The following ZP2 variants were observed in gnomAD, a reference collection of about 807,000 sequenced individuals.
ZP2 encodes zona pellucida glycoprotein 2, also known as zona pellucida sperm-binding protein 2.
Under a neutral mutation model 84.0 loss-of-function variants are expected in ZP2, and 51 were observed. The observed-to-expected ratio is 0.61, with a 90% CI of 0.49 to 0.77. ZP2 has a LOEUF of 0.77. ZP2 is among the 30% of genes least tolerant of loss of function. The pLI is 0.00. For missense variants in ZP2, 909 were observed against 911.9 expected, an observed-to-expected ratio of 1.00 and a Z score of 0.04; for synonymous variants, 375 against 330.9, an observed-to-expected ratio of 1.13 and a Z score of -1.45.
chr16:21,209,871 G>A, intron 3 of ZP2, 146 bp from the exon 4 acceptor site: 2 of 762,808 alleles, frequency 2.6e-6, no homozygotes, highest in Middle Eastern at 2.4e-4. Context: ...CTTGAGCTTT[G>A]AGATGGTATG....
At chr16:21,207,669 CA>C (rs374239184) in intron 4 of ZP2, among the ~76,000 whole-genome samples, 1 of 106,504 alleles carries the variant, frequency 9.4e-6, no homozygotes, top group African/African-American at 4.1e-5. Context: ...CACACACACA[CA>C]CACACACACA....
At chr16:21,208,231 A>G (rs1236960719) in intron 4 of ZP2, among the ~76,000 whole-genome samples, 2 of 152,218 alleles carry the variant, frequency 1.3e-5, no homozygotes, top group African/African-American at 4.8e-5. Flanking sequence ...GAGACCATGG[A>G]CTGCGTTTGG....
At chr16:21,209,176 C>G (rs372405709) in intron 4 of ZP2, among the ~76,000 whole-genome samples, 7 of 152,256 alleles carry the variant, frequency 4.6e-5, no homozygotes, top group African/African-American at 1.7e-4. Flanking sequence ...AGATTCCCCC[C>G]ACCCTCCTCC....
Position 21,204,341 on chromosome 16 carries a change from C to T in ZP2, c.757G>A (p.Val253Met). The T allele has an allele frequency of 6.2e-7, 1 of 1,614,056 alleles. No homozygotes were observed. The highest frequency in any genetic ancestry group is 1.1e-5 in the South Asian group (1 of 91,082). ...CAAATAGCTTGTGAAGAGAAGATCA[C>T]CTTCTGTCCAGGAGATATAAATGTA... is the stretch of plus-strand genomic sequence containing the variant. ...KLTFISPGQK[V>M]IFSSQAICAP... Residue 253 changes from valine to methionine, a missense_variant, in exon 8 of 19, where the codon GTG becomes ATG. Coordinates refer to ENST00000574091, the MANE Select transcript of ZP2 (RefSeq NM_001376232.1).
intron 7 of ZP2, 145 bp downstream of exon 7, chr16:21,205,275 G>A: frequency 1.1e-6 from 1 of 946,190 alleles, no homozygotes; most frequent in South Asian, 1.7e-5. Flanking sequence ...TTACAGGTGT[G>A]AATACCCAGC....
chr16:21,202,490 A>T (rs1200446556), intron 10 of ZP2, among the ~76,000 whole-genome samples, 199 bp from the exon 11 acceptor site: 2 of 152,192 alleles, frequency 1.3e-5, no homozygotes, highest in Non-Finnish European at 1.5e-5. Flanking sequence ...TCTATGTGAG[A>T]GTAGGACTTT....
Position 21,205,736 on chromosome 16 carries a change from T to C in ZP2, c.523A>G (p.Ser175Gly), listed in dbSNP as rs1567215087. Residue 175 changes from serine (S) to glycine (G), a missense_variant, in exon 6 of 19, where the codon AGT (serine) becomes GGT (glycine). Ser to Gly is a moderately conservative substitution (Grantham distance 56). Transcript: ENST00000574091. ...PRVFSGLADD[S>G]KGTKVQMGWS... ...TTTTAAAATTTGCTTCATACCTTAC[T>C]GTCGTCAGCCAAGCCAGAGAAGACC... 1.2e-6 allele frequency: 2 copies of C among 1,614,100 alleles called. No individual in the cohort carries two copies. Among genetic ancestry groups the C allele is most frequent in the Admixed American group, 1.7e-5 (1 of 60,012 alleles).
Position 21,203,161 on chromosome 16 carries a change from A to C in ZP2, c.1063T>G (p.Tyr355Asp). The C allele has an allele frequency of 6.2e-7, 1 of 1,614,012 alleles. No homozygotes were observed. The change falls in exon 10 of 19, where the codon TAT (tyrosine) becomes GAT (aspartate). Residue 355 changes from tyrosine to aspartate, a missense_variant. Physicochemically the swap from Tyr to Asp is radical, Grantham distance 160. Transcript: ENST00000574091. The stretch of plus-strand genomic sequence containing the variant: ...GGTGACTCACAGAGACACTCAGGAT[A>C]GATCACCATGGATACTGTCTCTGGC... ...LRPETVSMVI[Y>D]PECLCESPVS...
chr16:21,199,249 C>T (rs1458764517), intron 16 of ZP2, among the ~76,000 whole-genome samples: 2 of 143,964 alleles, frequency 1.4e-5, no homozygotes, highest in Non-Finnish European at 3.0e-5. Flanking sequence ...TTCCCTTGAA[C>T]CCTGGAGGTG....
At chr16:21,213,824 T>C (rs1009686255), upstream of ZP2, among the ~76,000 whole-genome samples, 1 of 152,180 alleles carries the variant, frequency 6.6e-6, no homozygotes, top group Admixed American at 6.5e-5. Context: ...TCTCCTTCTA[T>C]GCATATTTTT....
chr16:21,203,299 G>A, intron 9 of ZP2, 48 bp from the exon 10 acceptor site: 1 of 1,606,454 alleles, frequency 6.2e-7, no homozygotes, highest in Non-Finnish European at 8.5e-7. Context: ...TTGGGGCCCG[G>A]AACCGTCACA....
At chr16:21,210,599 C>T (rs749138306) in intron 2 of ZP2, among the ~76,000 whole-genome samples, 7 of 152,032 alleles carry the variant, frequency 4.6e-5, no homozygotes, top group Non-Finnish European at 8.8e-5. Context: ...TATTTTGAGA[C>T]GGAGTCTCTC....
intron 12 of ZP2, 30 bp downstream of exon 12, chr16:21,201,902 C>CT: frequency 6.2e-7 from 1 of 1,612,970 alleles, no homozygotes; most frequent in Non-Finnish European, 8.5e-7. Context: ...TAAACTAGAG[C>CT]TTAAGAGTCA....
At chr16:21,208,339 G>T (rs1409141373) in intron 4 of ZP2, among the ~76,000 whole-genome samples, 1 of 152,180 alleles carries the variant, frequency 6.6e-6, no homozygotes, top group Non-Finnish European at 1.5e-5. Context: ...AAATTATCAG[G>T]TTTTTCATGA....
Position 21,210,002 on chromosome 16 carries a change from A to ATGCCGTTGC in ZP2, c.235+98_235+106dup, listed in dbSNP as rs536353158. 280 of 991,216 alleles carry ATGCCGTTGC rather than the reference A, an allele frequency of 2.8e-4. 4 individuals carry two copies. In the South Asian group the frequency reaches 3.7e-3, roughly 13 times the overall value. 61.4% of individuals were successfully genotyped at this position (991,216 alleles called of 1,614,324 possible). ...ATCCCCATGGCATCATGGGAGTTGGATGCCGTTGCTGCAGGAGTTTGGGTA... is the reference window on the plus strand; with the variant it reads ...ATCCCCATGGCATCATGGGAGTTGGATGCCGTTGCTGCCGTTGCTGCAGGAGTTTGGGTA... On this transcript the variant is annotated intron_variant, in intron 3 of 18. Transcript: ENST00000574091.
intron 2 of ZP2, among the ~76,000 whole-genome samples, chr16:21,210,646 C>T (rs1242886550): frequency 1.3e-5 from 2 of 152,156 alleles, no homozygotes; most frequent in East Asian, 3.9e-4. Context: ...ACGATCTCAA[C>T]CCACCTCAAC....
intron 9 of ZP2, 32 bp from the exon 10 acceptor site, chr16:21,203,283 A>T: frequency 6.2e-7 from 1 of 1,610,252 alleles, no homozygotes; most frequent in Non-Finnish European, 8.5e-7. Flanking sequence ...TAGCAGCCAC[A>T]GTCCGTTGGG....
intron 17 of ZP2, 114 bp from the exon 18 acceptor site, chr16:21,197,963 A>G (rs2093207314): frequency 1.0e-6 from 1 of 986,480 alleles, no homozygotes; most frequent in African/African-American, 1.6e-5. Flanking sequence ...AGGTAAGGGT[A>G]TGTGTTAACA....
Position 21,202,111 on chromosome 16 carries a change from C to T in ZP2, c.1280G>A (p.Arg427Lys). ...CCATCTGCCAGTACTAACCTTATAT[C>T]TCGTTCCACATCCATTCAGGGGTAT... ...FHIPLNGCGT[R>K]YKFEDDKVVY... The change falls in exon 11 of 19, where the codon AGA becomes AAA. Residue 427 changes from arginine (R) to lysine (K), a missense_variant. Physicochemically the swap from Arg to Lys is conservative, Grantham distance 26. Coordinates refer to ENST00000574091, the MANE Select transcript of ZP2 (RefSeq NM_001376232.1). 1 of 1,613,348 alleles carries T rather than the reference C, an allele frequency of 6.2e-7. No individual in the cohort carries two copies.
Sources: gnomAD v4.1 joint callset for allele counts (sites outside exome capture counted in the v4.1 genomes callset) on GRCh38, gnomAD v4.1.1 for gene constraint, MANE v1.5 for transcripts, NCBI Gene and HGNC (gene_info 2026-07-23, HGNC 2026-07-21) for gene names.